The following HCN1 variants were observed in gnomAD, a reference collection of about 807,000 sequenced individuals.
HCN1 encodes the protein hyperpolarization activated cyclic nucleotide gated potassium channel 1, also known as potassium/sodium hyperpolarization-activated cyclic nucleotide-gated channel 1.
Under a neutral mutation model 78.9 loss-of-function variants are expected in HCN1, and 13 were observed. The ratio of observed to expected loss-of-function variants is 0.16; its 90% CI spans 0.11 to 0.26. The LOEUF (loss-of-function observed/expected upper bound fraction) is 0.26, where lower values mean the gene tolerates loss of function less well. Among genes scored for constraint, HCN1 ranks in the 10% least tolerant of loss-of-function variants. The pLI is 1.00. For synonymous variants in HCN1, 552 were observed against 455.5 expected, an observed-to-expected ratio of 1.21 and a Z score of -2.70; for missense variants, 810 against 1,154.3, an observed-to-expected ratio of 0.70 and a Z score of 4.32.
At chr5:45,518,891 A>G (rs2111774174) in intron 2 of HCN1, among the ~76,000 whole-genome samples, 1 of 152,090 alleles carries the variant, frequency 6.6e-6, no homozygotes, top group East Asian at 1.9e-4. Flanking sequence ...AACTTTAAAA[A>G]TGCCTTCATA....
At chr5:45,417,043 A>T (rs1740132573) in intron 3 of HCN1, among the ~76,000 whole-genome samples, 1 of 152,058 alleles carries the variant, frequency 6.6e-6, no homozygotes, top group Admixed American at 6.6e-5. Flanking sequence ...CTTTACAAAC[A>T]ACCCTGAATT....
chr5:45,449,501 G>C (rs963111534), intron 3 of HCN1, among the ~76,000 whole-genome samples: 3 of 152,090 alleles, frequency 2.0e-5, no homozygotes, highest in Non-Finnish European at 4.4e-5. Flanking sequence ...AAGGAGATTA[G>C]ATGTCCCATC....
chr5:45,659,638 C>T (rs1301928783), intron 1 of HCN1, among the ~76,000 whole-genome samples: 13 of 143,818 alleles, frequency 9.0e-5, no homozygotes, highest in African/African-American at 2.4e-4. Context: ...AACCAAGGCT[C>T]GAGAACTACG....
intron 2 of HCN1, among the ~76,000 whole-genome samples, chr5:45,498,237 T>G (rs1465074492): frequency 1.3e-5 from 2 of 152,202 alleles, no homozygotes; most frequent in Non-Finnish European, 2.9e-5. Flanking sequence ...CAGATGTAGA[T>G]TTGGTCTTTT....
intron 1 of HCN1, among the ~76,000 whole-genome samples, chr5:45,647,860 ACCAAGG>A (rs1168016055): frequency 6.6e-6 from 1 of 152,186 alleles, no homozygotes; most frequent in East Asian, 1.9e-4. Flanking sequence ...CCAATTGATC[ACCAAGG>A]CTGTTTAGTT....
chr5:45,476,460 A>G lies in HCN1; in HGVS notation c.850-14453T>C, dbSNP rs549083501. On this transcript the variant is annotated intron_variant, in intron 2 of 7. Transcript: ENST00000303230. ...GTTTAAGTAGCCCAAGAAAACTAAG[A>G]CAAGGGAGGCATCAATTTACTGTTG... Among the ~76,000 whole-genome samples the G allele has an allele frequency of 2.0e-5, 3 of 152,290 alleles. No homozygotes were observed. The South Asian group carries it at 6.2e-4, about 32-fold the overall frequency.
intron 1 of HCN1, among the ~76,000 whole-genome samples, chr5:45,672,590 A>G (rs996791506): frequency 1.3e-5 from 2 of 151,192 alleles, no homozygotes; most frequent in Admixed American, 1.3e-4. Flanking sequence ...AAACTAAAGT[A>G]GATTTTGCCT....
At chr5:45,372,990 A>C (rs565276808) in intron 4 of HCN1, among the ~76,000 whole-genome samples, 51 of 140,004 alleles carry the variant, frequency 3.6e-4, no homozygotes, top group African/African-American at 1.2e-3. Context: ...AAAAAATAAT[A>C]TATAAAAATA....
At chr5:45,415,005 C>T (rs1360353618) in intron 3 of HCN1, among the ~76,000 whole-genome samples, 2 of 152,020 alleles carry the variant, frequency 1.3e-5, no homozygotes, top group Admixed American at 1.3e-4. Flanking sequence ...TCCGTACACT[C>T]TGTCACAATT....
At chr5:45,558,329 T>A (rs1055110934) in intron 2 of HCN1, 4 of 152,162 alleles carry the variant, frequency 2.6e-5, no homozygotes, top group African/African-American at 9.7e-5. Flanking sequence ...AAGTCTGACG[T>A]TAGCAGAGGT....
chr5:45,504,106 T>C (rs1031207005), intron 2 of HCN1, among the ~76,000 whole-genome samples: 1 of 152,098 alleles, frequency 6.6e-6, no homozygotes, highest in East Asian at 1.9e-4. Flanking sequence ...ATTATTCTTC[T>C]TCTTATTATT....
intron 5 of HCN1, among the ~76,000 whole-genome samples, chr5:45,344,626 A>G (rs1362855227): frequency 6.6e-6 from 1 of 152,180 alleles, no homozygotes; most frequent in Non-Finnish European, 1.5e-5. Flanking sequence ...ATGCAAATCC[A>G]AAATAAGCAG....
rs914750601 is a variant in HCN1, at chr5:45,257,387, T to C, written c.*4534A>G. The C allele has an allele frequency of 2.6e-5, 4 of 152,232 alleles. No homozygotes were observed. The highest frequency in any genetic ancestry group is 9.6e-5 in the African/African-American group (4 of 41,474). 9.4% of individuals were successfully genotyped at this position (152,232 alleles called of 1,614,324 possible). A position where few individuals can be genotyped will look rare whatever the true frequency, so the allele number is the denominator to read the frequency against. On this transcript the variant is annotated 3_prime_UTR_variant, in exon 8 of 8. Transcript: ENST00000303230. ...CATTTTAGAAAAGCATGCTTAATTT[T>C]TCACTAAATGATAATTATTTCCCCA...
At chr5:45,268,706 C>A (rs530280294) in intron 6 of HCN1, among the ~76,000 whole-genome samples, 1 of 152,206 alleles carries the variant, frequency 6.6e-6, no homozygotes, top group East Asian at 1.9e-4. Flanking sequence ...TTGTTCTTGT[C>A]AAGATTGAAA....
chr5:45,447,492 C>G (rs918462625), intron 3 of HCN1, among the ~76,000 whole-genome samples: 1 of 152,174 alleles, frequency 6.6e-6, no homozygotes, highest in African/African-American at 2.4e-5. Flanking sequence ...ATCCTCCTGT[C>G]TTGGCCTATC....
At chr5:45,646,367 C>CTTT (rs201964510) in intron 1 of HCN1, among the ~76,000 whole-genome samples, 24 of 123,524 alleles carry the variant, frequency 1.9e-4, no homozygotes, top group Non-Finnish European at 2.7e-4. Context: ...TTCTTTCTTT[C>CTTT]TTTTTTTTTT....
chr5:45,438,630 C>A (rs376415129), intron 3 of HCN1, among the ~76,000 whole-genome samples: 1 of 150,610 alleles, frequency 6.6e-6, no homozygotes, highest in Admixed American at 6.6e-5. Context: ...GAAAAACAAA[C>A]AACAACAACA....
chr5:45,394,707 T>G (rs573877199), intron 4 of HCN1, among the ~76,000 whole-genome samples: 1 of 152,014 alleles, frequency 6.6e-6, no homozygotes, highest in Admixed American at 6.6e-5. Flanking sequence ...TCCCAACTAC[T>G]TGGGAGACTG....
chr5:45,474,957 C>T (rs932340628), intron 2 of HCN1, among the ~76,000 whole-genome samples: 7 of 151,844 alleles, frequency 4.6e-5, no homozygotes, highest in African/African-American at 1.4e-4. Flanking sequence ...TTAAAATAAA[C>T]AGCACAAAAA....
Sources: allele counts gnomAD v4.1 joint callset (sites outside exome capture counted in the v4.1 genomes callset), GRCh38; gene constraint gnomAD v4.1.1; transcripts MANE v1.5; gene names NCBI Gene and HGNC (gene_info 2026-07-23, HGNC 2026-07-21).